The following EMC10 variants were observed in gnomAD, a reference collection of about 807,000 sequenced individuals.
EMC10 encodes the protein ER membrane protein complex subunit 10.
A neutral mutation model predicts 32.2 loss-of-function variants in EMC10; 40 were observed. The ratio of observed to expected loss-of-function variants is 1.24; its 90% CI spans 0.96 to 1.61. The LOEUF is 1.61. Among genes scored for constraint, EMC10 ranks in the 40% most tolerant of loss-of-function variants. The probability of loss-of-function intolerance (pLI) is 0.00; values close to 1 mark genes in which losing one functional copy is unlikely to be tolerated. For missense variants in EMC10, 402 were observed against 357.7 expected, an observed-to-expected ratio of 1.12 and a Z score of -1.00; for synonymous variants, 178 against 158.4, an observed-to-expected ratio of 1.12 and a Z score of -0.93.
At chr19:50,481,015 G>A in intron 6 of EMC10, 38 bp downstream of exon 6, 1 of 1,526,548 alleles carries the variant, frequency 6.6e-7, no homozygotes, top group Non-Finnish European at 9.0e-7. Flanking sequence ...TTCCCTTCCT[G>A]ACAGTCCCGG....
At chr19:50,476,744 G>A in intron 1 of EMC10, 86 bp downstream of exon 1, 1 of 819,152 alleles carries the variant, frequency 1.2e-6, no homozygotes, top group Non-Finnish European at 1.8e-6. Context: ...GACGGAAGGA[G>A]GCTGCGCAGG....
intron 6 of EMC10, chr19:50,481,615 G>T: frequency 1.9e-6 from 1 of 532,750 alleles, no homozygotes; most frequent in Non-Finnish European, 3.3e-6. Context: ...TGTGGCCCGA[G>T]GCAGGCTAGG....
rs1244388461 is a variant in EMC10 at position 50,487,373 on chromosome 19, T to A, written c.*5114T>A. ...GGCCAACCCCAGGGGCCCCACCCAG[T>A]CCTGTCCCTGCTCCTTACGTGCTGT... On this transcript the variant is annotated 3_prime_UTR_variant, in exon 7 of 7. Transcript: ENST00000334976. 2 of 152,304 alleles carry A rather than the reference T, an allele frequency of 1.3e-5. No individual in the cohort carries two copies. Among genetic ancestry groups the A allele is most frequent in the Non-Finnish European group, 2.9e-5 (2 of 68,116 alleles). The allele number at this position is 152,304 out of a possible 1,614,324, so 9.4% of individuals were successfully genotyped here. A position where few individuals can be genotyped will look rare whatever the true frequency, so the allele number is the denominator to read the frequency against.
In EMC10 at chr19:50,482,706, C is replaced by A. The variant is rs898747927; in HGVS notation, c.*447C>A. On this transcript the variant is annotated 3_prime_UTR_variant, in exon 7 of 7. Transcript: ENST00000334976. Reference sequence around the variant, plus strand: ...TCCTGTCCAGGCTCCTGCAGCGCCCCCCTCACTTTGACACTGGACTAGGAT... The same window carrying A: ...TCCTGTCCAGGCTCCTGCAGCGCCCACCTCACTTTGACACTGGACTAGGAT... 2.5e-5 allele frequency: 12 copies of A among 477,862 alleles called. No individual in the cohort carries two copies. Among genetic ancestry groups the A allele is most frequent in the Non-Finnish European group, 4.0e-5 (11 of 271,924 alleles). 29.6% of individuals were successfully genotyped at this position (477,862 alleles called of 1,614,324 possible). A position where few individuals can be genotyped will look rare whatever the true frequency, so the allele number is the denominator to read the frequency against.
intron 1 of EMC10, 133 bp from the exon 2 acceptor site, chr19:50,477,796 C>T: frequency 1.7e-6 from 1 of 600,278 alleles, no homozygotes; most frequent in East Asian, 3.2e-5. Context: ...GAAATAAAGG[C>T]AAGCAGCAGT....
rs559163299 is a variant in EMC10 at position 50,482,374 on chromosome 19, G to A, written c.*115G>A. The A allele has an allele frequency of 2.1e-4, 132 of 614,892 alleles. 1 individual carries two copies. The South Asian group carries it at 2.3e-3, about 11-fold the overall frequency. 38.1% of individuals were successfully genotyped at this position (614,892 alleles called of 1,614,324 possible). On this transcript the variant is annotated 3_prime_UTR_variant, in exon 7 of 7. Transcript: ENST00000334976. ...GTTTGCTGGTCCCTCCTTTCCCCCC[G>A]TCCCACGAGGCCACCTGGGCCAGCC...
At position 50,482,478 on chromosome 19, in the gene EMC10, G is replaced by A. The variant is rs1039269097; in HGVS notation, c.*219G>A. The stretch of plus-strand genomic sequence containing the variant: ...ACAGCAGCCGGTGTCTCCTGCGCCC[G>A]CCTCCCCCATGGCCCCATGCAGCCC... On this transcript the variant is annotated 3_prime_UTR_variant, in exon 7 of 7. Transcript: ENST00000334976. 22 of 582,436 alleles carry A rather than the reference G, an allele frequency of 3.8e-5. No individual in the cohort carries two copies. Among genetic ancestry groups the A allele is most frequent in the South Asian group, 1.0e-4 (5 of 47,676 alleles). The allele number at this position is 582,436 out of a possible 1,614,324, so 36.1% of individuals were successfully genotyped here.
At position 50,480,338 on chromosome 19, in the gene EMC10, C is replaced by A; in HGVS notation, c.402+123C>A. 9.2e-7 allele frequency: 1 copy of A among 1,091,128 alleles called. No individual in the cohort carries two copies. The highest frequency in any genetic ancestry group is 1.3e-6 in the Non-Finnish European group (1 of 754,916). The allele number at this position is 1,091,128 out of a possible 1,614,324, so 67.6% of individuals were successfully genotyped here. A position where few individuals can be genotyped will look rare whatever the true frequency, so the allele number is the denominator to read the frequency against. ...CCGCAGAGGCCTGGGAGACTCAGACCTGGCCTTGCCTTCCGAGGCCTCCTG... is the reference window on the plus strand; with the variant it reads ...CCGCAGAGGCCTGGGAGACTCAGACATGGCCTTGCCTTCCGAGGCCTCCTG... On this transcript the variant is annotated intron_variant, in intron 4 of 6. Coordinates refer to ENST00000334976, the MANE Select transcript of EMC10 (RefSeq NM_206538.4). This position sits in a 1 kb window ranked among gnomAD's most constrained non-coding sequence, Gnocchi z 4.4.
chr19:50,479,052 C>T lies in EMC10; in HGVS notation c.283C>T (p.Arg95Trp), dbSNP rs764238587. ...ACAGCGGCAGCTCAGCGAGGAGGAG[C>T]GGGGCCGACTCCGGGTGAGGTGGGG... Reference protein sequence around the residue: ...LSQRQLSEEERGRLRDVAALN... With the variant: ...LSQRQLSEEEWGRLRDVAALN... Residue 95 changes from arginine (R) to tryptophan (W), a missense_variant, in exon 3 of 7, where the codon CGG becomes TGG. By Grantham distance (101) the Arg-to-Trp change is moderately radical (BLOSUM62 -3). Coordinates refer to ENST00000334976, the MANE Select transcript of EMC10 (RefSeq NM_206538.4). 24 of 1,605,874 alleles carry T rather than the reference C, an allele frequency of 1.5e-5. No homozygotes were observed. In the East Asian group the frequency reaches 1.6e-4, roughly 11 times the overall value.
Position 50,490,844 on chromosome 19 carries a change from T to C in EMC10, c.*8585T>C, listed in dbSNP as rs1978596230. ...GAAACGCCTGTGCTCACTATGTTAATAATAATAATAAAAGGCAAAAAACCA... is the reference window on the plus strand; with the variant it reads ...GAAACGCCTGTGCTCACTATGTTAACAATAATAATAAAAGGCAAAAAACCA... On this transcript the variant is annotated 3_prime_UTR_variant, in exon 7 of 7. Coordinates refer to ENST00000334976, the MANE Select transcript of EMC10 (RefSeq NM_206538.4). 1 of 151,958 alleles carries C rather than the reference T, an allele frequency of 6.6e-6. No homozygotes were observed. Among genetic ancestry groups the C allele is most frequent in the Non-Finnish European group, 1.5e-5 (1 of 68,008 alleles). The allele number at this position is 151,958 out of a possible 1,614,324, so 9.4% of individuals were successfully genotyped here.
intron 6 of EMC10, chr19:50,481,899 C>A: frequency 6.2e-7 from 1 of 1,601,568 alleles, no homozygotes. Flanking sequence ...TGCTCACAGC[C>A]CTGCGTCCTG....
Position 50,480,215 on chromosome 19 carries a change from G to C in EMC10, c.402G>C (p.Ala134=), listed in dbSNP as rs1568685651. 1 of 1,612,842 alleles carries C rather than the reference G, an allele frequency of 6.2e-7. No individual in the cohort carries two copies. The highest frequency in any genetic ancestry group is 8.5e-7 in the Non-Finnish European group (1 of 1,179,464). Residue 134 remains alanine, a splice_region_variant and synonymous_variant, in exon 4 of 7, where the codon GCG becomes GCC. Transcript: ENST00000334976. The surrounding 1 kb of genome is among the most constrained non-coding windows in gnomAD (Gnocchi z 4.4). ...GCTATGTCTCCTCCTTTGTCCCTGCGGTGAGTTGGTGTCGGGGATGAGCCC... is the reference window on the plus strand; with the variant it reads ...GCTATGTCTCCTCCTTTGTCCCTGCCGTGAGTTGGTGTCGGGGATGAGCCC... ...AGGYVSSFVP[A]CSLVESHLSD... is the part of the protein sequence containing the mutation.
Position 50,480,547 on chromosome 19 carries a change from C to G in EMC10, c.403-34C>G, listed in dbSNP as rs781525280. On this transcript the variant is annotated intron_variant, in intron 4 of 6. Transcript: ENST00000334976. This position sits in a 1 kb window ranked among gnomAD's most constrained non-coding sequence, Gnocchi z 4.4. The stretch of plus-strand genomic sequence containing the variant: ...GTTAGGGTGGAGCCCAGGCAGCAGG[C>G]TCCCCACCTCCACTGACCCCACTCC... The G allele has an allele frequency of 1.9e-6, 3 of 1,545,240 alleles. No homozygotes were observed. Among genetic ancestry groups the G allele is most frequent in the Non-Finnish European group, 2.6e-6 (3 of 1,144,036 alleles).
At position 50,483,094 on chromosome 19, in the gene EMC10, C is replaced by A; in HGVS notation, c.*835C>A. On this transcript the variant is annotated 3_prime_UTR_variant, in exon 7 of 7. Transcript: ENST00000334976. ...CTGCGGGCCTTTGCTGTGTGCCACC[C>A]TCCCTGTAAGTCTATTTAAAAACAT... The A allele has an allele frequency of 2.0e-6, 1 of 503,862 alleles. No individual in the cohort carries two copies. The highest frequency in any genetic ancestry group is 3.9e-6 in the Non-Finnish European group (1 of 259,022). The allele number at this position is 503,862 out of a possible 1,614,324, so 31.2% of individuals were successfully genotyped here. A position where few individuals can be genotyped will look rare whatever the true frequency, so the allele number is the denominator to read the frequency against.
chr19:50,481,844 GCTCC>G (rs1415024593), intron 6 of EMC10: 1 of 1,552,728 alleles, frequency 6.4e-7, no homozygotes, highest in Non-Finnish European at 8.7e-7. Context: ...CCTGACCTGC[GCTCC>G]CTCCCTCCCC....
At position 50,482,774 on chromosome 19, in the gene EMC10, C is replaced by G. The variant is rs899207996; in HGVS notation, c.*515C>G. On this transcript the variant is annotated 3_prime_UTR_variant, in exon 7 of 7. Coordinates refer to ENST00000334976, the MANE Select transcript of EMC10 (RefSeq NM_206538.4). Reference sequence around the variant, plus strand: ...TCCCCTTGAGGGTACCCTGGGTCCCCTCATCAGGGGCAGAGGCATGAAAGA... The same window carrying G: ...TCCCCTTGAGGGTACCCTGGGTCCCGTCATCAGGGGCAGAGGCATGAAAGA... The G allele has an allele frequency of 2.4e-5, 12 of 490,846 alleles. No homozygotes were observed. Among genetic ancestry groups the G allele is most frequent in the South Asian group, 4.1e-5 (1 of 24,542 alleles). The allele number at this position is 490,846 out of a possible 1,614,324, so 30.4% of individuals were successfully genotyped here.
At position 50,483,120 on chromosome 19, in the gene EMC10, C is replaced by T. The variant is rs544151207; in HGVS notation, c.*861C>T. 134 of 473,844 alleles carry T rather than the reference C, an allele frequency of 2.8e-4. No individual in the cohort carries two copies. Among genetic ancestry groups the T allele is most frequent in the African/African-American group, 1.5e-3 (74 of 50,914 alleles). The allele number at this position is 473,844 out of a possible 1,614,324, so 29.4% of individuals were successfully genotyped here. ...TCCCTGTAAGTCTATTTAAAAACAT[C>T]GACGATACATTGAAATGTGTGAACG... is the stretch of plus-strand genomic sequence containing the variant. On this transcript the variant is annotated 3_prime_UTR_variant, in exon 7 of 7. Coordinates refer to ENST00000334976, the MANE Select transcript of EMC10 (RefSeq NM_206538.4).
Position 50,476,604 on chromosome 19 carries a change from A to T in EMC10, c.60A>T (p.Ala20=). Residue 20 remains alanine (A), a synonymous_variant, in exon 1 of 7, where the codon GCA becomes GCT. Coordinates refer to ENST00000334976, the MANE Select transcript of EMC10 (RefSeq NM_206538.4). ...RLLLLLLMAV[A]APSRARGSGC... is the part of the protein sequence containing the mutation. ...TCCTGCTCTTGCTGATGGCGGTAGCAGCGCCCAGTCGAGCCCGGGGCAGCG... is the reference window on the plus strand; with the variant it reads ...TCCTGCTCTTGCTGATGGCGGTAGCTGCGCCCAGTCGAGCCCGGGGCAGCG... The T allele has an allele frequency of 6.4e-7, 1 of 1,568,202 alleles. No homozygotes were observed. Among genetic ancestry groups the T allele is most frequent in the East Asian group, 2.3e-5 (1 of 42,626 alleles).
rs1601330369 is a variant in EMC10, at chr19:50,483,744, T to A, written c.*1485T>A. The A allele has an allele frequency of 6.6e-6, 1 of 152,418 alleles. No individual in the cohort carries two copies. The highest frequency in any genetic ancestry group is 1.9e-4 in the East Asian group (1 of 5,190). 9.4% of individuals were successfully genotyped at this position (152,418 alleles called of 1,614,324 possible). A position where few individuals can be genotyped will look rare whatever the true frequency, so the allele number is the denominator to read the frequency against. On this transcript the variant is annotated 3_prime_UTR_variant, in exon 7 of 7. Coordinates refer to ENST00000334976, the MANE Select transcript of EMC10 (RefSeq NM_206538.4). The stretch of plus-strand genomic sequence containing the variant: ...GCGCAGCTAGTTTTTGTATTTTTTG[T>A]AGAGACGGGGTTTCACCATATTGCC...
Sources: allele counts gnomAD v4.1 joint callset, GRCh38; gene constraint gnomAD v4.1.1; non-coding constraint Gnocchi (gnomAD v3.1); transcripts MANE v1.5; gene names NCBI Gene and HGNC (gene_info 2026-07-23, HGNC 2026-07-21).